RMDN2: variants seen among roughly 807,000 people sequenced by gnomAD.
RMDN2 encodes the protein regulator of microtubule dynamics 2, also known as regulator of microtubule dynamics protein 2.
RMDN2 carries 61 observed loss-of-function variants against 52.8 expected under a neutral mutation model. The ratio of observed to expected loss-of-function variants is 1.16; its 90% CI spans 0.94 to 1.43. The LOEUF is 1.43. Among genes scored for constraint, RMDN2 ranks in the 40% most tolerant of loss-of-function variants. The probability of loss-of-function intolerance (pLI) is 0.00; values close to 1 mark genes in which losing one functional copy is unlikely to be tolerated. For missense variants in RMDN2, 592 were observed against 475.3 expected (o/e 1.25, Z -2.28); for synonymous variants, 180 against 153.1 (o/e 1.18, Z -1.30).
At chr2:38,045,883 G>A (rs920830148) in intron 10 of RMDN2, among the ~76,000 whole-genome samples, 8 of 152,186 alleles carry the variant, frequency 5.3e-5, no homozygotes, top group Admixed American at 2.0e-4. Context: ...AAGTGTTGCC[G>A]TAAATTGTGA....
chr2:37,924,500 G>A (rs1267048174), upstream of RMDN2, among the ~76,000 whole-genome samples: 1 of 152,218 alleles, frequency 6.6e-6, no homozygotes, highest in Non-Finnish European at 1.5e-5. Context: ...AAGTAGCTGG[G>A]ATTACAGGCG....
At chr2:38,027,805 C>T (rs1365400188) in intron 10 of RMDN2, among the ~76,000 whole-genome samples, 1 of 152,112 alleles carries the variant, frequency 6.6e-6, no homozygotes, top group Admixed American at 6.5e-5. Context: ...TGCTGAAAAT[C>T]GCATGTGGAA....
At chr2:37,971,357 T>G (rs577103494) in intron 2 of RMDN2, among the ~76,000 whole-genome samples, 1 of 152,278 alleles carries the variant, frequency 6.6e-6, no homozygotes, top group African/African-American at 2.4e-5. Flanking sequence ...TAAACTGTCT[T>G]GGCACTCTTA....
intron 10 of RMDN2, among the ~76,000 whole-genome samples, chr2:38,042,566 C>G (rs546691204): frequency 1.3e-5 from 2 of 150,846 alleles, no homozygotes; most frequent in South Asian, 2.1e-4. Context: ...GTTTTTCTTT[C>G]TCTAGTGTCA....
At chr2:38,017,066 A>G (rs1189650617) in intron 10 of RMDN2, 120 bp from the exon 11 acceptor site, 10 of 468,202 alleles carry the variant, frequency 2.1e-5, no homozygotes, top group Non-Finnish European at 3.6e-5. Context: ...ACGTACCCTC[A>G]TGAACCTTAA....
intron 8 of RMDN2, among the ~76,000 whole-genome samples, chr2:38,003,488 G>A (rs1173698373): frequency 6.6e-6 from 1 of 152,080 alleles, no homozygotes; most frequent in African/African-American, 2.4e-5. Flanking sequence ...GGGAGGCGGA[G>A]GTTGCAGTGA....
intron 6 of RMDN2, among the ~76,000 whole-genome samples, chr2:37,990,335 A>G (rs1376133549): frequency 6.7e-6 from 1 of 150,150 alleles, no homozygotes; most frequent in African/African-American, 2.4e-5. Flanking sequence ...CCTGGCCAAC[A>G]TGGTGAAACC....
At chr2:38,039,670 C>A (rs922250642) in intron 10 of RMDN2, among the ~76,000 whole-genome samples, 1 of 152,160 alleles carries the variant, frequency 6.6e-6, no homozygotes, top group African/African-American at 2.4e-5. Flanking sequence ...GAAAATCACC[C>A]AGTGTCTGAG....
intron 2 of RMDN2, among the ~76,000 whole-genome samples, chr2:37,966,946 G>A (rs1671133875): frequency 6.6e-6 from 1 of 152,206 alleles, no homozygotes; most frequent in East Asian, 1.9e-4. Flanking sequence ...TAAAATTGAA[G>A]CAAGAACAAA....
chr2:37,932,993 G>A (rs2124900766), intron 2 of RMDN2, among the ~76,000 whole-genome samples: 1 of 151,720 alleles, frequency 6.6e-6, no homozygotes, highest in South Asian at 2.1e-4. Flanking sequence ...GTGGCTGCTG[G>A]GTGGAGGGGC....
chr2:37,933,771 GGA>G (rs1417370845), intron 2 of RMDN2, among the ~76,000 whole-genome samples: 1 of 146,410 alleles, frequency 6.8e-6, no homozygotes, highest in East Asian at 2.0e-4. Context: ...GGAAAGAGAG[GGA>G]GAGAGAGACC....
chr2:37,988,670 A>G (rs541245695), intron 5 of RMDN2, among the ~76,000 whole-genome samples: 23 of 152,358 alleles, frequency 1.5e-4, no homozygotes, highest in African/African-American at 4.1e-4. Context: ...CTTAGTTACT[A>G]TGACAATGCA....
intron 10 of RMDN2, 46 bp downstream of exon 10, chr2:38,004,262 A>G (rs371573556): frequency 1.3e-4 from 164 of 1,303,100 alleles, no homozygotes; most frequent in Non-Finnish European, 1.7e-4. Context: ...TGTTAGTACT[A>G]TTCGAGCTCA....
intron 4 of RMDN2, among the ~76,000 whole-genome samples, chr2:37,976,517 C>G (rs1309009520): frequency 6.6e-6 from 1 of 152,204 alleles, no homozygotes; most frequent in Admixed American, 6.5e-5. Flanking sequence ...TTTTACCAAA[C>G]TCCTTGTAAT....
intron 10 of RMDN2, among the ~76,000 whole-genome samples, chr2:38,038,860 C>G (rs1302607067): frequency 6.6e-6 from 1 of 152,048 alleles, no homozygotes; most frequent in Non-Finnish European, 1.5e-5. Context: ...CATCTCCCAT[C>G]CCATCCCTGC....
rs150111331 is a variant in RMDN2 at position 37,950,019 on chromosome 2, T to C, written c.452+20290T>C. On this transcript the variant is annotated intron_variant, in intron 2 of 10. Transcript: ENST00000354545. ...CAAGGTGAACGATGCTTGTTTCCTT[T>C]GTGGTGGCAATGACATTTGCTACTT... 11 of 173,688 alleles carry C rather than the reference T, an allele frequency of 6.3e-5. No individual in the cohort carries two copies. In the East Asian group the frequency reaches 1.4e-3, roughly 21 times the overall value. 10.8% of individuals were successfully genotyped at this position (173,688 alleles called of 1,614,324 possible).
chr2:37,971,317 C>G (rs1041138591), intron 2 of RMDN2, among the ~76,000 whole-genome samples: 12 of 152,046 alleles, frequency 7.9e-5, no homozygotes, highest in East Asian at 1.9e-4. Context: ...TGTTCTAGCA[C>G]TATTTGTTGA....
chr2:37,952,468 T>C, intron 2 of RMDN2: 1 of 478,730 alleles, frequency 2.1e-6, no homozygotes, highest in East Asian at 3.0e-5. Flanking sequence ...TGGGCTAATC[T>C]CAGATTTCTG....
At chr2:38,009,814 C>G (rs970105127) in intron 10 of RMDN2, among the ~76,000 whole-genome samples, 5 of 152,146 alleles carry the variant, frequency 3.3e-5, no homozygotes, top group African/African-American at 1.2e-4. Flanking sequence ...AGTTTTTCTG[C>G]TCTGTTTTTT....
Sources: allele counts gnomAD v4.1 joint callset (sites outside exome capture counted in the v4.1 genomes callset), GRCh38; gene constraint gnomAD v4.1.1; transcripts MANE v1.5; gene names NCBI Gene and HGNC (gene_info 2026-07-23, HGNC 2026-07-21).